Variants in KAT7 observed in about 807,000 individuals in gnomAD.
KAT7 encodes the protein histone acetyltransferase KAT7.
A neutral mutation model predicts 82.1 loss-of-function variants in KAT7; 10 were observed. The ratio of observed to expected loss-of-function variants is 0.12; its 90% CI spans 0.08 to 0.21. The LOEUF (loss-of-function observed/expected upper bound fraction) is 0.21. KAT7 is among the 10% of genes least tolerant of loss of function. The pLI is 1.00. For missense variants in KAT7, 378 were observed against 760.9 expected (o/e 0.50, Z 5.92); for synonymous variants, 250 against 262.5 (o/e 0.95, Z 0.46).
At chr17:49,822,661 C>T (rs1333378036) in intron 11 of KAT7, among the ~76,000 whole-genome samples, 1 of 152,128 alleles carries the variant, frequency 6.6e-6, no homozygotes, top group East Asian at 1.9e-4. Flanking sequence ...GCAATCAACC[C>T]AGTTTGCATT....
At position 49,830,228 on chromosome 17, in the gene KAT7, C is replaced by T. The variant is rs1343549433; in HGVS notation, c.*2726C>T. ...TTTTTTAAAAAAAGACAGTCTCACT[C>T]TATCATCCAGTCCGGAATGCAGTGG... On this transcript the variant is annotated 3_prime_UTR_variant, in exon 15 of 15. Transcript: ENST00000259021. The T allele has an allele frequency of 8.3e-6, 1 of 120,458 alleles. No individual in the cohort carries two copies. Among genetic ancestry groups the T allele is most frequent in the Non-Finnish European group, 1.6e-5 (1 of 61,590 alleles). The allele number at this position is 120,458 out of a possible 1,614,324, so 7.5% of individuals were successfully genotyped here.
rs1035342170 is a variant in KAT7, at chr17:49,830,531, G to A, written c.*3029G>A. ...GCATAACAGAAGCTTAGCTGCTTAA[G>A]CTCCTTTATTAGAAGAGCAAAAGTC... On this transcript the variant is annotated 3_prime_UTR_variant, in exon 15 of 15. Coordinates refer to ENST00000259021, the MANE Select transcript of KAT7 (RefSeq NM_007067.5). The A allele has an allele frequency of 6.6e-6, 1 of 152,192 alleles. No individual in the cohort carries two copies. The highest frequency in any genetic ancestry group is 1.5e-5 in the Non-Finnish European group (1 of 68,040). The allele number at this position is 152,192 out of a possible 1,614,324, so 9.4% of individuals were successfully genotyped here. A position where few individuals can be genotyped will look rare whatever the true frequency, so the allele number is the denominator to read the frequency against.
chr17:49,826,709 G>A lies in KAT7; in HGVS notation c.1644G>A (p.Thr548=), dbSNP rs760641854. The A allele has an allele frequency of 6.2e-7, 1 of 1,611,128 alleles. No individual in the cohort carries two copies. The change falls in exon 14 of 15, where the codon ACG becomes ACA. Residue 548 remains threonine, a synonymous_variant. Coordinates refer to ENST00000259021, the MANE Select transcript of KAT7 (RefSeq NM_007067.5). ...CTGTTTCAGAAATCAGTCAGGAGAC[G>A]GCTGTGAATCCTGTGGACATTGTCA... ...EISIKEISQE[T]AVNPVDIVST... is the part of the protein sequence containing the mutation.
At chr17:49,816,065 A>T in intron 8 of KAT7, 152 bp downstream of exon 8, 1 of 591,458 alleles carries the variant, frequency 1.7e-6, no homozygotes, top group Non-Finnish European at 3.0e-6. Flanking sequence ...TTTGGAGACT[A>T]GCCTTCCCTT....
At chr17:49,820,028 G>C (rs2074282306) in intron 9 of KAT7, among the ~76,000 whole-genome samples, 1 of 152,240 alleles carries the variant, frequency 6.6e-6, no homozygotes, top group South Asian at 2.1e-4. Context: ...GCTGAAGTGG[G>C]AGGATTGCTT....
At chr17:49,806,070 A>C (rs2074088588) in intron 5 of KAT7, among the ~76,000 whole-genome samples, 1 of 152,226 alleles carries the variant, frequency 6.6e-6, no homozygotes, top group Non-Finnish European at 1.5e-5. Context: ...CGAAGATCTA[A>C]TTATGGGGAA....
intron 1 of KAT7, among the ~76,000 whole-genome samples, chr17:49,791,146 T>C (rs1448839754): frequency 6.6e-6 from 1 of 152,230 alleles, no homozygotes; most frequent in Non-Finnish European, 1.5e-5. Flanking sequence ...CTTTTTCTGC[T>C]TAAATTCTTT....
At chr17:49,821,897 G>T in intron 11 of KAT7, 107 bp downstream of exon 11, 4 of 895,038 alleles carry the variant, frequency 4.5e-6, no homozygotes, top group South Asian at 3.1e-5. Flanking sequence ...TCTGGGCAAT[G>T]ATGACACCCC....
intron 4 of KAT7, among the ~76,000 whole-genome samples, chr17:49,800,327 G>T (rs1270423101): frequency 6.6e-6 from 1 of 152,088 alleles, no homozygotes; most frequent in East Asian, 1.9e-4. Flanking sequence ...TGGTCTTACA[G>T]CAGTTTCTCA....
At chr17:49,815,744 A>T (rs1460310862) in intron 7 of KAT7, 59 bp from the exon 8 acceptor site, 2 of 1,013,420 alleles carry the variant, frequency 2.0e-6, no homozygotes, top group African/African-American at 3.2e-5. Context: ...AATGAAATAG[A>T]TTAAAAAGTT....
chr17:49,806,985 C>T (rs1404302409), intron 5 of KAT7, among the ~76,000 whole-genome samples: 1 of 152,168 alleles, frequency 6.6e-6, no homozygotes, highest in Non-Finnish European at 1.5e-5. Context: ...CATTTATTAA[C>T]AGCTCTAGTG....
intron 1 of KAT7, among the ~76,000 whole-genome samples, chr17:49,791,613 G>T (rs906804009): frequency 6.6e-6 from 1 of 152,210 alleles, no homozygotes; most frequent in African/African-American, 2.4e-5. Flanking sequence ...AGCCACGATT[G>T]CGCCCTTGCA....
chr17:49,822,176 T>C (rs1374044863), intron 11 of KAT7, among the ~76,000 whole-genome samples: 1 of 152,134 alleles, frequency 6.6e-6, no homozygotes, highest in Non-Finnish European at 1.5e-5. Flanking sequence ...GGGCTCCTTC[T>C]AGCACAGTGC....
At chr17:49,790,180 TG>T (rs894525397) in intron 1 of KAT7, among the ~76,000 whole-genome samples, 1 of 151,824 alleles carries the variant, frequency 6.6e-6, no homozygotes, top group African/African-American at 2.4e-5. Flanking sequence ...AGCTGGTGGG[TG>T]GTATGTATGT....
Position 49,821,681 on chromosome 17 carries a change from A to G in KAT7, c.1277A>G (p.Lys426Arg). The change falls in exon 11 of 15, where the codon AAA becomes AGA. Residue 426 changes from lysine to arginine, a missense_variant. Transcript: ENST00000259021. The stretch of plus-strand genomic sequence containing the variant: ...TGCCAAAACCTGTGCCTGTTGGCCA[A>G]ACTTTTTCTGGACCACAAGACATTA... ...IYCQNLCLLA[K>R]LFLDHKTLYY... The G allele has an allele frequency of 6.2e-7, 1 of 1,613,820 alleles. No individual in the cohort carries two copies. The highest frequency in any genetic ancestry group is 8.5e-7 in the Non-Finnish European group (1 of 1,180,002).
rs1233397629 is a variant in KAT7, at chr17:49,833,263, T to C, written c.*5761T>C. On this transcript the variant is annotated 3_prime_UTR_variant, in exon 15 of 15. Transcript: ENST00000259021. ...GTTCCATGTGAGATATAAACATCTT[T>C]ATCCTCGACAAGTCATGTTCATTCC... The C allele has an allele frequency of 2.0e-5, 3 of 152,270 alleles. No homozygotes were observed. Among genetic ancestry groups the C allele is most frequent in the Non-Finnish European group, 4.4e-5 (3 of 68,044 alleles). 9.4% of individuals were successfully genotyped at this position (152,270 alleles called of 1,614,324 possible). A position where few individuals can be genotyped will look rare whatever the true frequency, so the allele number is the denominator to read the frequency against.
At chr17:49,798,581 A>G in intron 4 of KAT7, 23 bp downstream of exon 4, 1 of 1,578,446 alleles carries the variant, frequency 6.3e-7, no homozygotes, top group Middle Eastern at 1.7e-4. Flanking sequence ...TAGCTTCATG[A>G]CATCCTTTGT....
chr17:49,798,435 A>G lies in KAT7; in HGVS notation c.457A>G (p.Ile153Val), dbSNP rs768670555. ...SSPNVSHDES[I>V]AKDMSLKDSG... ...CCCCAATGTATCTCACGATGAGAGC[A>G]TTGCCAAGGACATGTCCCTGAAGGA... is the stretch of plus-strand genomic sequence containing the variant. The change falls in exon 4 of 15, where the codon ATT becomes GTT. Residue 153 changes from isoleucine to valine, a missense_variant. Physicochemically the swap from Ile to Val is conservative, Grantham distance 29. This residue lies in a region of KAT7 where 161 missense variants were observed against 229.6 expected (regional missense o/e 0.70). Transcript: ENST00000259021. The G allele has an allele frequency of 9.9e-6, 16 of 1,614,216 alleles. No individual in the cohort carries two copies. The highest frequency in any genetic ancestry group is 2.7e-5 in the African/African-American group (2 of 75,046).
chr17:49,801,255 C>T (rs2074020982), intron 4 of KAT7, among the ~76,000 whole-genome samples: 1 of 152,154 alleles, frequency 6.6e-6, no homozygotes, highest in Non-Finnish European at 1.5e-5. Context: ...GGCGTGGTCA[C>T]TCACTGCAAC....
Sources: allele counts gnomAD v4.1 joint callset (sites outside exome capture counted in the v4.1 genomes callset), GRCh38; gene constraint gnomAD v4.1.1; regional missense constraint gnomAD v4.1.1; transcripts MANE v1.5; gene names NCBI Gene and HGNC (gene_info 2026-07-23, HGNC 2026-07-21).